Variants in EYS observed in about 807,000 individuals in gnomAD.
EYS encodes protein eyes shut homolog.
In EYS, 250 loss-of-function variants were observed where a neutral mutation model predicts 282.1. The observed-to-expected ratio is 0.89, with a 90% CI of 0.80 to 0.98. EYS has a LOEUF of 0.98. EYS is among the 50% of genes least tolerant of loss of function. EYS has a pLI of 0.00. For missense variants in EYS, 4,016 were observed against 3,709.0 expected, an observed-to-expected ratio of 1.08 and a Z score of -2.15; for synonymous variants, 1,355 against 1,282.9, an observed-to-expected ratio of 1.06 and a Z score of -1.20.
intron 14 of EYS, among the ~76,000 whole-genome samples, chr6:64,954,178 A>T (rs925522163): frequency 6.6e-6 from 1 of 151,928 alleles, no homozygotes; most frequent in African/African-American, 2.4e-5. Flanking sequence ...TTTATTAGTA[A>T]TCTTTACTTA....
At chr6:65,703,186 T>C (rs2814114) in intron 1 of EYS, among the ~76,000 whole-genome samples, 77,364 of 151,846 alleles carry the variant, frequency 0.51, 21,301 homozygotes, top group Non-Finnish European at 0.61. Flanking sequence ...TCTCTCTCTG[T>C]CTCTCCTCTA....
intron 40 of EYS, among the ~76,000 whole-genome samples, chr6:63,764,032 CCT>C (rs1305714176): frequency 2.6e-5 from 4 of 151,378 alleles, no homozygotes; most frequent in Non-Finnish European, 5.9e-5. Flanking sequence ...CCACCATCCC[CCT>C]TTCTTTCTTC....
intron 19 of EYS, among the ~76,000 whole-genome samples, chr6:64,866,123 T>C (rs1411341801): frequency 6.6e-6 from 1 of 152,020 alleles, no homozygotes; most frequent in Non-Finnish European, 1.5e-5. Context: ...TTTAGCAATC[T>C]GCTTAAACTG....
rs1327855398 is a variant in EYS at position 64,566,869 on chromosome 6, G to A, written c.5644+23354C>T. Among the ~76,000 whole-genome samples, 3 of 152,092 alleles carry A rather than the reference G, an allele frequency of 2.0e-5. No homozygotes were observed. In the East Asian group the frequency reaches 5.8e-4, roughly 29 times the overall value. ...GCTCGCTGAAACCTCCACCTCCACA[G>A]TTCACATGATTCTCCTGCCTCAGCC... On this transcript the variant is annotated intron_variant, in intron 26 of 42. Transcript: ENST00000503581.
chr6:63,870,375 T>G (rs78958687), intron 35 of EYS, among the ~76,000 whole-genome samples: 137 of 152,308 alleles, frequency 9.0e-4, no homozygotes, highest in African/African-American at 3.3e-3. Flanking sequence ...ATGGTTGTTC[T>G]TTTCTGATAT....
intron 9 of EYS, among the ~76,000 whole-genome samples, chr6:65,353,134 T>C (rs531921854): frequency 1.3e-5 from 2 of 152,024 alleles, no homozygotes; most frequent in African/African-American, 4.8e-5. Flanking sequence ...CATAAGAGCA[T>C]TTTGTTTTTA....
At chr6:64,407,176 T>C (rs149532324) in intron 28 of EYS, among the ~76,000 whole-genome samples, 1 of 152,292 alleles carries the variant, frequency 6.6e-6, no homozygotes, top group African/African-American at 2.4e-5. Context: ...GAAACCATCA[T>C]TCTCAGCAAG....
chr6:64,953,942 T>C (rs980736077), intron 14 of EYS, among the ~76,000 whole-genome samples: 8 of 151,946 alleles, frequency 5.3e-5, no homozygotes, highest in Non-Finnish European at 1.2e-4. Context: ...AAACATTTTC[T>C]AAAGAAAACA....
At chr6:63,941,042 C>T (rs1475151458) in intron 35 of EYS, among the ~76,000 whole-genome samples, 1 of 152,122 alleles carries the variant, frequency 6.6e-6, no homozygotes, top group African/African-American at 2.4e-5. Context: ...TATAGTATTC[C>T]ATGGTGTATA....
At chr6:64,788,929 C>A (rs1297321846) in intron 22 of EYS, among the ~76,000 whole-genome samples, 1 of 152,086 alleles carries the variant, frequency 6.6e-6, no homozygotes, top group Non-Finnish European at 1.5e-5. Context: ...GTTTAATCTG[C>A]TACTTGTAAC....
At chr6:64,383,370 T>A (rs73764413) in intron 29 of EYS, among the ~76,000 whole-genome samples, 5,806 of 152,218 alleles carry the variant, frequency 0.038, 358 homozygotes, top group African/African-American at 0.13. Flanking sequence ...TGAGAGTGAT[T>A]CTTATACGTG....
chr6:64,510,049 C>T (rs944241161), intron 26 of EYS, among the ~76,000 whole-genome samples: 1 of 152,074 alleles, frequency 6.6e-6, no homozygotes, highest in Non-Finnish European at 1.5e-5. Context: ...TTTAGTCTAG[C>T]AGCAAATGGT....
intron 2 of EYS, among the ~76,000 whole-genome samples, chr6:65,631,531 GT>G (rs1438312124): frequency 2.6e-5 from 4 of 151,634 alleles, no homozygotes; most frequent in Non-Finnish European, 4.4e-5. Flanking sequence ...TGGGAGGTGA[GT>G]TTTACTTGAA....
chr6:64,684,709 A>G (rs6454969), intron 22 of EYS, among the ~76,000 whole-genome samples: 151,760 of 152,000 alleles, frequency 1, 75,760 homozygotes, highest in Non-Finnish European at 1. Flanking sequence ...ACATTTTATA[A>G]GAAGTGTTAC....
intron 26 of EYS, among the ~76,000 whole-genome samples, chr6:64,440,473 G>A (rs1049806040): frequency 4.6e-5 from 7 of 152,016 alleles, no homozygotes; most frequent in Non-Finnish European, 8.8e-5. Flanking sequence ...ATATGTGTGT[G>A]TGTTTGTGTG....
At chr6:64,509,683 C>G (rs528884445) in intron 26 of EYS, among the ~76,000 whole-genome samples, 5 of 152,106 alleles carry the variant, frequency 3.3e-5, no homozygotes, top group African/African-American at 1.2e-4. Context: ...TATCAAGGGG[C>G]CTGAGTCTTT....
intron 12 of EYS, among the ~76,000 whole-genome samples, chr6:65,063,607 A>G (rs1002465060): frequency 1.3e-5 from 2 of 152,096 alleles, no homozygotes; most frequent in Admixed American, 6.6e-5. Context: ...GAGAAAGTCA[A>G]TACTTTCACC....
chr6:64,597,738 T>G (rs148981397), intron 24 of EYS, among the ~76,000 whole-genome samples: 6 of 151,898 alleles, frequency 4.0e-5, no homozygotes, highest in African/African-American at 1.4e-4. Flanking sequence ...GGGTAAATAA[T>G]GAGAAATTAC....
chr6:64,090,179 C>A (rs370028234), intron 31 of EYS, among the ~76,000 whole-genome samples: 38 of 152,188 alleles, frequency 2.5e-4, no homozygotes, highest in African/African-American at 8.9e-4. Context: ...CTTGACATGC[C>A]ATAATAGCTA....
Sources: gnomAD v4.1 joint callset for allele counts (sites outside exome capture counted in the v4.1 genomes callset) on GRCh38, gnomAD v4.1.1 for gene constraint, MANE v1.5 for transcripts, NCBI Gene and HGNC (gene_info 2026-07-23, HGNC 2026-07-21) for gene names.